Variants in MBD5 observed in about 807,000 individuals in gnomAD.
The protein encoded by MBD5 is methyl-CpG-binding domain protein 5.
A neutral mutation model predicts 117.3 loss-of-function variants in MBD5; 13 were observed. The observed-to-expected ratio is 0.11, with a 90% CI of 0.07 to 0.18. The LOEUF (loss-of-function observed/expected upper bound fraction) is 0.18, where lower values mean the gene tolerates loss of function less well. Ranked by LOEUF, MBD5 falls within the 10% of genes least tolerant of loss-of-function variation. MBD5 has a pLI of 1.00. For missense variants in MBD5, 1,879 were observed against 2,093.8 expected, an observed-to-expected ratio of 0.90 and a Z score of 2.00; for synonymous variants, 727 against 766.4, an observed-to-expected ratio of 0.95 and a Z score of 0.85.
intron 12 of MBD5, among the ~76,000 whole-genome samples, chr2:148,504,272 C>G (rs1339278787): frequency 6.6e-6 from 1 of 152,178 alleles, no homozygotes; most frequent in Non-Finnish European, 1.5e-5. Context: ...ATTTACCATA[C>G]TATTGTCTAA....
chr2:148,316,907 T>C (rs1190308074), intron 3 of MBD5, among the ~76,000 whole-genome samples: 1 of 152,230 alleles, frequency 6.6e-6, no homozygotes, highest in African/African-American at 2.4e-5. Context: ...GAGCTTGTGC[T>C]TTGTTATTTA....
At chr2:148,127,715 CA>C (rs1204764170) in intron 1 of MBD5, among the ~76,000 whole-genome samples, 1 of 152,092 alleles carries the variant, frequency 6.6e-6, no homozygotes. Context: ...ATCTTTATAA[CA>C]GAATGATTTA....
In MBD5 at chr2:148,510,095, T is replaced by C; in HGVS notation, c.5072T>C (p.Ile1691Thr). 6.2e-7 allele frequency: 1 copy of C among 1,613,164 alleles called. No individual in the cohort carries two copies. Among genetic ancestry groups the C allele is most frequent in the Non-Finnish European group, 8.5e-7 (1 of 1,179,252 alleles). Residue 1691 changes from isoleucine to threonine, a missense_variant, in exon 13 of 14, where the codon ATT becomes ACT. By Grantham distance (89) the Ile-to-Thr change is moderately conservative. This residue lies in a region of MBD5 where 135 missense variants were observed against 148.0 expected (regional missense o/e 0.91). Coordinates refer to ENST00000642680, the MANE Select transcript of MBD5 (RefSeq NM_001378120.1). ...GKLNNHLEAA[I>T]HEAMSELDKM... is the part of the protein sequence containing the mutation. ...CTAAATAACCATTTAGAAGCTGCTA[T>C]TCATGAGGCCATGAGTGAACTGGAC...
chr2:148,243,500 T>C (rs531565871), intron 3 of MBD5, among the ~76,000 whole-genome samples: 134 of 152,232 alleles, frequency 8.8e-4, no homozygotes, highest in African/African-American at 3.1e-3. Flanking sequence ...GAATATATTT[T>C]ATATTTTCCA....
intron 3 of MBD5, among the ~76,000 whole-genome samples, chr2:148,339,251 A>G (rs1392184177): frequency 6.6e-6 from 1 of 152,060 alleles, no homozygotes; most frequent in East Asian, 1.9e-4. Context: ...ATCTCAATAC[A>G]TGATCTAAAA....
At chr2:148,215,488 TTTTG>T (rs968572825) in intron 2 of MBD5, among the ~76,000 whole-genome samples, 11 of 152,080 alleles carry the variant, frequency 7.2e-5, no homozygotes, top group Non-Finnish European at 1.2e-4. Flanking sequence ...TGGACCCTGT[TTTTG>T]TTTGTTTGTT....
At chr2:148,228,104 C>T (rs1699883762) in intron 2 of MBD5, among the ~76,000 whole-genome samples, 1 of 152,124 alleles carries the variant, frequency 6.6e-6, no homozygotes, top group African/African-American at 2.4e-5. Flanking sequence ...CCCTTTATTT[C>T]CTTCTCCTGC....
rs114710067 is a variant in MBD5 at position 148,373,234 on chromosome 2, T to A, written c.-557+30898T>A. On this transcript the variant is annotated intron_variant, in intron 4 of 13. Transcript: ENST00000642680. ...GCTTTCAGAGAACAGAGGGAAGGGA[T>A]ATCTTTGATAAGATTTTATTTATTT... Among the ~76,000 whole-genome samples the A allele has an allele frequency of 8.3e-3, 1,265 of 152,278 alleles. 23 individuals carry two copies. Among genetic ancestry groups the A allele is most frequent in the African/African-American group, 0.029 (1,219 of 41,584 alleles).
rs542086778 is a variant in MBD5, at chr2:148,470,819, G to A, written c.2518+358G>A. 4.0e-4 allele frequency: 101 copies of A among 250,758 alleles called. 1 individual carries two copies. Among genetic ancestry groups the A allele is most frequent in the Non-Finnish European group, 4.1e-4 (54 of 132,860 alleles). The allele number at this position is 250,758 out of a possible 1,614,324, so 15.5% of individuals were successfully genotyped here. A position where few individuals can be genotyped will look rare whatever the true frequency, so the allele number is the denominator to read the frequency against. On this transcript the variant is annotated intron_variant, in intron 8 of 13. Coordinates refer to ENST00000642680, the MANE Select transcript of MBD5 (RefSeq NM_001378120.1). Reference sequence around the variant, plus strand: ...GTCCTTGGTCTATGCCAATATAAAAGCCATCTCCCTAGCTTTTGTTTGTAT... The same window carrying A: ...GTCCTTGGTCTATGCCAATATAAAAACCATCTCCCTAGCTTTTGTTTGTAT...
intron 4 of MBD5, among the ~76,000 whole-genome samples, chr2:148,424,193 AAAAAAAAAAAAAAAAAAAAAAAAC>A (rs1705703543): frequency 1.3e-5 from 1 of 79,558 alleles, no homozygotes; most frequent in Non-Finnish European, 2.5e-5. Flanking sequence ...AAAAAAAAAA[AAAAAAAAAAAAAAAAAAAAAAAAC>A]AGCAGAGGTC....
intron 4 of MBD5, among the ~76,000 whole-genome samples, chr2:148,391,908 G>A (rs1704581432): frequency 6.6e-6 from 1 of 152,054 alleles, no homozygotes; most frequent in South Asian, 2.1e-4. Flanking sequence ...TATTTCCCTT[G>A]ACCCTTATAT....
At position 148,169,145 on chromosome 2, in the gene MBD5, C is replaced by T. The variant is rs574316318; in HGVS notation, c.-924-9555C>T. Among the ~76,000 whole-genome samples the T allele has an allele frequency of 1.4e-4, 22 of 152,004 alleles. 1 individual carries two copies. The South Asian group carries it at 4.4e-3, about 30-fold the overall frequency. On this transcript the variant is annotated intron_variant, in intron 1 of 13. Transcript: ENST00000642680. ...TTGATCATATCTTTAGTTTGCTATC[C>T]TTCTAAAAATTTTGTTTTAGTGACT...
At chr2:148,063,533 A>G (rs1400116973) in intron 1 of MBD5, among the ~76,000 whole-genome samples, 1 of 145,272 alleles carries the variant, frequency 6.9e-6, no homozygotes, top group African/African-American at 2.6e-5. Flanking sequence ...ATGAATGAGC[A>G]TTGCTATTTT....
intron 1 of MBD5, among the ~76,000 whole-genome samples, chr2:148,133,054 A>G (rs1697088284): frequency 6.6e-6 from 1 of 152,218 alleles, no homozygotes; most frequent in South Asian, 2.1e-4. Context: ...CAGCATTTTT[A>G]TTGAAAAGTG....
At chr2:148,244,337 A>G (rs1193611138) in intron 3 of MBD5, 1 of 152,134 alleles carries the variant, frequency 6.6e-6, no homozygotes, top group Admixed American at 6.6e-5. Context: ...AGTTACTATT[A>G]CTATTATTTT....
At chr2:148,431,567 G>A (rs1705985909) in intron 4 of MBD5, among the ~76,000 whole-genome samples, 1 of 152,062 alleles carries the variant, frequency 6.6e-6, no homozygotes, top group African/African-American at 2.4e-5. Context: ...GTAGGCCCCA[G>A]TGTCTGTTGT....
intron 1 of MBD5, among the ~76,000 whole-genome samples, chr2:148,033,056 G>T (rs1364367508): frequency 1.3e-5 from 2 of 152,154 alleles, no homozygotes; most frequent in Non-Finnish European, 2.9e-5. Flanking sequence ...GACACATTCA[G>T]CTGGACAGCT....
At chr2:148,342,549 T>A (rs1702973090) in intron 4 of MBD5, among the ~76,000 whole-genome samples, 1 of 151,986 alleles carries the variant, frequency 6.6e-6, no homozygotes, top group African/African-American at 2.4e-5. Context: ...AAGAATGTAA[T>A]ACAGAAAAAT....
In MBD5 at chr2:148,485,921, C is replaced by G. The variant is rs1416452200; in HGVS notation, c.3724C>G (p.Pro1242Ala). ...AATTCCTTGCCCAGCTAACAATAAC[C>G]CCATGGCTTGTCTGTTTCAGAACTT... Reference protein sequence around the residue: ...STIPCPANNNPMACLFQNFQV... With the variant: ...STIPCPANNNAMACLFQNFQV... Residue 1242 changes from proline to alanine, a missense_variant, in exon 10 of 14, where the codon CCC becomes GCC. Transcript: ENST00000642680. 2 of 1,613,914 alleles carry G rather than the reference C, an allele frequency of 1.2e-6. No homozygotes were observed. The highest frequency in any genetic ancestry group is 2.7e-5 in the African/African-American group (2 of 74,904).
Sources: allele counts gnomAD v4.1 joint callset (sites outside exome capture counted in the v4.1 genomes callset), GRCh38; gene constraint gnomAD v4.1.1; regional missense constraint gnomAD v4.1.1; transcripts MANE v1.5; gene names NCBI Gene and HGNC (gene_info 2026-07-23, HGNC 2026-07-21).